BCKDHB: variants seen among roughly 807,000 people sequenced by gnomAD.
BCKDHB encodes 2-oxoisovalerate dehydrogenase subunit beta, mitochondrial.
BCKDHB carries 41 observed loss-of-function variants against 48.5 expected under a neutral mutation model. That is an observed-to-expected ratio of 0.85 (90% CI 0.66 to 1.10). The LOEUF (loss-of-function observed/expected upper bound fraction) is 1.10. Among genes scored for constraint, BCKDHB ranks in the 50% least tolerant of loss-of-function variants. BCKDHB has a pLI of 0.00. For synonymous variants in BCKDHB, 201 were observed against 174.8 expected (o/e 1.15, Z -1.18); for missense variants, 496 against 494.2 (o/e 1.00, Z -0.03).
chr6:80,444,641 T>A, the BCKDHB span, among the ~76,000 whole-genome samples: 23 of 152,202 alleles, frequency 1.5e-4, no homozygotes, highest in African/African-American at 5.5e-4. Flanking sequence ...AATAACTGCT[T>A]ACTGACTGAT....
chr6:80,401,986 GTTCTACAGTGTC>G, the BCKDHB span, among the ~76,000 whole-genome samples: 2 of 151,698 alleles, frequency 1.3e-5, no homozygotes, highest in African/African-American at 4.8e-5. Context: ...TATATTGTGT[GTTCTACAGTGTC>G]TTTATCTATT....
At chr6:80,251,120 T>C (rs1157854020) in intron 8 of BCKDHB, among the ~76,000 whole-genome samples, 1 of 152,162 alleles carries the variant, frequency 6.6e-6, no homozygotes, top group Non-Finnish European at 1.5e-5. Flanking sequence ...TTCACAACTG[T>C]TGAAGTTGAG....
the BCKDHB span, chr6:80,440,693 C>T: frequency 1.3e-5 from 2 of 151,318 alleles, no homozygotes; most frequent in African/African-American, 4.9e-5. Context: ...AGTTGAGTCA[C>T]TCAGTCATCG....
chr6:80,347,669 C>G (rs1169567793), downstream of BCKDHB, among the ~76,000 whole-genome samples: 1 of 152,136 alleles, frequency 6.6e-6, no homozygotes, highest in Non-Finnish European at 1.5e-5. Context: ...GAGAATAACT[C>G]TGAGGATGAT....
chr6:80,448,929 A>G, the BCKDHB span, among the ~76,000 whole-genome samples: 1 of 152,196 alleles, frequency 6.6e-6, no homozygotes, highest in Non-Finnish European at 1.5e-5. Flanking sequence ...TACCCCCTGA[A>G]TTTAAAATAA....
intron 9 of BCKDHB, among the ~76,000 whole-genome samples, chr6:80,319,669 T>C (rs1768615020): frequency 6.6e-6 from 1 of 152,232 alleles, no homozygotes; most frequent in Non-Finnish European, 1.5e-5. Context: ...GTGTAGGCGT[T>C]GTCAGTTTCC....
chr6:80,218,414 C>T (rs958649869), intron 8 of BCKDHB, among the ~76,000 whole-genome samples: 2 of 152,142 alleles, frequency 1.3e-5, no homozygotes, highest in Non-Finnish European at 2.9e-5. Flanking sequence ...CGCACATGCA[C>T]TCATGCACAC....
the BCKDHB span, among the ~76,000 whole-genome samples, chr6:80,353,903 A>T: frequency 6.6e-6 from 1 of 152,198 alleles, no homozygotes; most frequent in African/African-American, 2.4e-5. Context: ...CTAAGGTATG[A>T]TGATGTCTCA....
the BCKDHB span, among the ~76,000 whole-genome samples, chr6:80,451,346 G>GA: frequency 6.6e-6 from 1 of 152,138 alleles, no homozygotes; most frequent in Non-Finnish European, 1.5e-5. Flanking sequence ...TTTGAGGCCA[G>GA]AAGCCAAGCC....
At chr6:80,416,593 G>T in the BCKDHB span, among the ~76,000 whole-genome samples, 1 of 151,840 alleles carries the variant, frequency 6.6e-6, no homozygotes, top group African/African-American at 2.4e-5. Flanking sequence ...ATGGTTTTGA[G>T]TAAATTTCTT....
intron 8 of BCKDHB, among the ~76,000 whole-genome samples, chr6:80,229,622 A>C (rs1286818726): frequency 6.6e-6 from 1 of 152,240 alleles, no homozygotes; most frequent in Non-Finnish European, 1.5e-5. Flanking sequence ...TTATTAAAAA[A>C]AAAGAAAAAG....
chr6:80,433,232 GA>G, the BCKDHB span, among the ~76,000 whole-genome samples: 37,919 of 151,992 alleles, frequency 0.25, 6,050 homozygotes, highest in East Asian at 0.57. Flanking sequence ...GTCAGGCGGG[GA>G]CGTATAAGTC....
At chr6:80,402,476 G>A in the BCKDHB span, among the ~76,000 whole-genome samples, 2,438 of 151,552 alleles carry the variant, frequency 0.016, 76 homozygotes, top group African/African-American at 0.055. Flanking sequence ...TTTGCTTTTG[G>A]GTTGTATGAC....
At chr6:80,139,063 G>A (rs1157343680) in intron 3 of BCKDHB, among the ~76,000 whole-genome samples, 4 of 152,290 alleles carry the variant, frequency 2.6e-5, no homozygotes, top group South Asian at 2.1e-4. Flanking sequence ...GTGATGGTGA[G>A]CATTTTTTCA....
the BCKDHB span, among the ~76,000 whole-genome samples, chr6:80,368,856 T>C: frequency 1.3e-5 from 2 of 151,860 alleles, no homozygotes; most frequent in Non-Finnish European, 2.9e-5. Context: ...TTACTAAAAT[T>C]ACAAAAATTA....
chr6:80,372,612 A>T, the BCKDHB span, among the ~76,000 whole-genome samples: 1 of 152,046 alleles, frequency 6.6e-6, no homozygotes, highest in Admixed American at 6.6e-5. Context: ...TATTTCCTCA[A>T]TGTGTGTCCC....
the BCKDHB span, among the ~76,000 whole-genome samples, chr6:80,400,132 AAG>A: frequency 6.6e-6 from 1 of 152,140 alleles, no homozygotes; most frequent in Non-Finnish European, 1.5e-5. Flanking sequence ...AAAACCCTGG[AAG>A]ACAACATAAG....
chr6:80,164,053 G>A (rs1455073446), intron 3 of BCKDHB, among the ~76,000 whole-genome samples: 1 of 152,260 alleles, frequency 6.6e-6, no homozygotes, highest in African/African-American at 2.4e-5. Context: ...CACCAAATAC[G>A]AGTCAGAAGG....
chr6:80,463,857 A>G, the BCKDHB span, among the ~76,000 whole-genome samples: 2 of 152,178 alleles, frequency 1.3e-5, no homozygotes, highest in Non-Finnish European at 2.9e-5. Flanking sequence ...AAAGTGATGT[A>G]CACAAAGGCA....
Sources: gnomAD v4.1 joint callset for allele counts (sites outside exome capture counted in the v4.1 genomes callset) on GRCh38, gnomAD v4.1.1 for gene constraint, MANE v1.5 for transcripts, NCBI Gene and HGNC (gene_info 2026-07-23, HGNC 2026-07-21) for gene names.